Variants in ROBO1 observed in about 807,000 individuals in gnomAD.
ROBO1 encodes roundabout homolog 1.
Under a neutral mutation model 195.9 loss-of-function variants are expected in ROBO1, and 149 were observed. That is an observed-to-expected ratio of 0.76 (90% confidence interval 0.67 to 0.87). ROBO1 has a LOEUF of 0.87. Among genes scored for constraint, ROBO1 ranks in the 40% least tolerant of loss-of-function variants. ROBO1 has a pLI of 0.00. For missense variants in ROBO1, 1,933 were observed against 2,068.3 expected, an observed-to-expected ratio of 0.93 and a Z score of 1.27; for synonymous variants, 816 against 733.2, an observed-to-expected ratio of 1.11 and a Z score of -1.82.
intron 2 of ROBO1, among the ~76,000 whole-genome samples, chr3:79,333,337 A>C (rs2034529210): frequency 6.6e-6 from 1 of 152,120 alleles, no homozygotes; most frequent in Non-Finnish European, 1.5e-5. Flanking sequence ...ATGCGCAACC[A>C]TGTAAATCAC....
intron 26 of ROBO1, among the ~76,000 whole-genome samples, chr3:78,618,360 A>T (rs1306223818): frequency 6.6e-6 from 1 of 152,234 alleles, no homozygotes; most frequent in Non-Finnish European, 1.5e-5. Context: ...TTTTGAAAAC[A>T]TACACATATG....
chr3:78,676,518 C>T lies in ROBO1; in HGVS notation c.1343-6217G>A, dbSNP rs554428991. ...GCTGAAAGCCAAAGCTCGAGAACTA[C>T]GTGAAGAATGCAGAAGCCTCAGGAG... On this transcript the variant is annotated intron_variant, in intron 10 of 30. Coordinates refer to ENST00000464233, the MANE Select transcript of ROBO1 (RefSeq NM_002941.4). Among the ~76,000 whole-genome samples the T allele has an allele frequency of 2.6e-4, 40 of 152,104 alleles. No individual in the cohort carries two copies. In the East Asian group the frequency reaches 3.5e-3, roughly 13 times the overall value.
intron 1 of ROBO1, among the ~76,000 whole-genome samples, chr3:79,596,855 T>A (rs1168497906): frequency 2.0e-5 from 3 of 152,038 alleles, no homozygotes; most frequent in Admixed American, 1.3e-4. Context: ...ACAAATTGTA[T>A]AACTTGGAGA....
chr3:78,678,801 G>C (rs1311747302), intron 10 of ROBO1, among the ~76,000 whole-genome samples: 1 of 152,164 alleles, frequency 6.6e-6, no homozygotes, highest in African/African-American at 2.4e-5. Flanking sequence ...TAGAAAGAGA[G>C]GGAATCCTCC....
In ROBO1 at chr3:78,598,146, T is replaced by C. The variant is rs1702948324; in HGVS notation, c.*767A>G. On this transcript the variant is annotated 3_prime_UTR_variant, in exon 31 of 31. Coordinates refer to ENST00000464233, the MANE Select transcript of ROBO1 (RefSeq NM_002941.4). The stretch of plus-strand genomic sequence containing the variant: ...TTGTAATACGTATTTATAATTACTT[T>C]TTGATGATTGAAAAATAGAACAAGG... The C allele has an allele frequency of 6.6e-6, 1 of 152,584 alleles. No homozygotes were observed. Among genetic ancestry groups the C allele is most frequent in the Non-Finnish European group, 1.5e-5 (1 of 68,022 alleles). 9.5% of individuals were successfully genotyped at this position (152,584 alleles called of 1,614,324 possible). A position where few individuals can be genotyped will look rare whatever the true frequency, so the allele number is the denominator to read the frequency against.
chr3:79,436,234 T>C (rs1228419837), intron 2 of ROBO1, among the ~76,000 whole-genome samples: 1 of 152,204 alleles, frequency 6.6e-6, no homozygotes, highest in Non-Finnish European at 1.5e-5. Flanking sequence ...AAATTGCATA[T>C]GGTTAGTTTG....
intron 4 of ROBO1, among the ~76,000 whole-genome samples, chr3:78,859,736 A>G (rs569806812): frequency 6.6e-6 from 1 of 152,264 alleles, no homozygotes; most frequent in African/African-American, 2.4e-5. Context: ...TCAGTATGTG[A>G]TAGCAATAAG....
At chr3:78,734,152 T>C (rs926730882) in intron 5 of ROBO1, among the ~76,000 whole-genome samples, 1 of 152,142 alleles carries the variant, frequency 6.6e-6, no homozygotes, top group African/African-American at 2.4e-5. Context: ...CATGCAACCA[T>C]ATCAGGTTTC....
chr3:79,720,274 G>GACT (rs1334067896), intron 1 of ROBO1, among the ~76,000 whole-genome samples: 4 of 152,098 alleles, frequency 2.6e-5, no homozygotes, highest in African/African-American at 9.7e-5. Flanking sequence ...TTCCTTATAG[G>GACT]AACTCAGGCA....
Position 78,888,397 on chromosome 3 carries a change from T to C in ROBO1, c.499+50204A>G, listed in dbSNP as rs112289122. 8.5e-3 allele frequency among the ~76,000 whole-genome samples: 1,290 copies of C among 152,308 alleles called. 11 individuals are homozygous for C. Among genetic ancestry groups the C allele is most frequent in the Non-Finnish European group, 0.013 (908 of 68,012 alleles). ...TCACGGGAAGGTGGAGTTTAAACTA[T>C]TGAGCTACTACAACAAAGCTACTGC... On this transcript the variant is annotated intron_variant, in intron 4 of 30. Coordinates refer to ENST00000464233, the MANE Select transcript of ROBO1 (RefSeq NM_002941.4).
At chr3:79,642,082 A>G (rs1160952561) in intron 1 of ROBO1, among the ~76,000 whole-genome samples, 1 of 152,198 alleles carries the variant, frequency 6.6e-6, no homozygotes. Context: ...AATTGAAATA[A>G]TAATAAAAAA....
intron 2 of ROBO1, among the ~76,000 whole-genome samples, chr3:79,432,630 C>T (rs1304793875): frequency 6.6e-6 from 1 of 152,150 alleles, no homozygotes; most frequent in Non-Finnish European, 1.5e-5. Context: ...TCTCTGCCAA[C>T]TCCAATCTCA....
intron 1 of ROBO1, among the ~76,000 whole-genome samples, chr3:79,624,636 C>G (rs1945112532): frequency 6.6e-6 from 1 of 152,044 alleles, no homozygotes; most frequent in Admixed American, 6.6e-5. Flanking sequence ...AACAATTCAA[C>G]AAGAAGAGCG....
At chr3:79,611,477 G>T (rs1409516446) in intron 1 of ROBO1, among the ~76,000 whole-genome samples, 3 of 151,992 alleles carry the variant, frequency 2.0e-5, no homozygotes, top group African/African-American at 7.2e-5. Flanking sequence ...GCAAAGACTT[G>T]GAACCAACCC....
chr3:79,515,493 G>A (rs1256085755), intron 2 of ROBO1, among the ~76,000 whole-genome samples: 1 of 152,188 alleles, frequency 6.6e-6, no homozygotes, highest in East Asian at 1.9e-4. Flanking sequence ...GTTTGTGGCT[G>A]CTGAGCAGAC....
chr3:78,863,641 A>G (rs1405961740), intron 4 of ROBO1, among the ~76,000 whole-genome samples: 1 of 152,300 alleles, frequency 6.6e-6, no homozygotes, highest in Admixed American at 6.5e-5. Flanking sequence ...GGATTCTTTG[A>G]ATCTGAAATT....
intron 2 of ROBO1, among the ~76,000 whole-genome samples, chr3:79,346,064 C>T (rs2035103236): frequency 6.6e-6 from 1 of 152,032 alleles, no homozygotes; most frequent in South Asian, 2.1e-4. Flanking sequence ...TAATTAAAGT[C>T]AATTTTATAT....
At chr3:79,378,143 C>T (rs1178569534) in intron 2 of ROBO1, among the ~76,000 whole-genome samples, 1 of 135,580 alleles carries the variant, frequency 7.4e-6, no homozygotes, top group Non-Finnish European at 1.5e-5. Flanking sequence ...TACTAAATCT[C>T]TCTTATGGTC....
intron 22 of ROBO1, among the ~76,000 whole-genome samples, chr3:78,639,211 C>T (rs1166995907): frequency 2.6e-5 from 4 of 151,756 alleles, no homozygotes; most frequent in Non-Finnish European, 4.4e-5. Context: ...ACTCCCAGCA[C>T]TTTGGGAAGC....
Sources: allele counts gnomAD v4.1 joint callset (sites outside exome capture counted in the v4.1 genomes callset), GRCh38; gene constraint gnomAD v4.1.1; transcripts MANE v1.5; gene names NCBI Gene and HGNC (gene_info 2026-07-23, HGNC 2026-07-21).